The following FHOD3 variants were observed in gnomAD, a reference collection of about 807,000 sequenced individuals.
FHOD3 encodes the protein formin homology 2 domain containing 3, also known as FH1/FH2 domain-containing protein 3.
FHOD3 carries 90 observed loss-of-function variants against 173.0 expected under a neutral mutation model. That is an observed-to-expected ratio of 0.52 (90% CI 0.44 to 0.62). The LOEUF (loss-of-function observed/expected upper bound fraction) is 0.62, where lower values mean the gene tolerates loss of function less well. Ranked by LOEUF, FHOD3 falls within the 20% of genes least tolerant of loss-of-function variation. The probability of loss-of-function intolerance (pLI) is 0.00; values close to 1 mark genes in which losing one functional copy is unlikely to be tolerated. For synonymous variants in FHOD3, 828 were observed against 823.0 expected, an observed-to-expected ratio of 1.01 and a Z score of -0.10; for missense variants, 1,945 against 2,034.7, an observed-to-expected ratio of 0.96 and a Z score of 0.85.
At chr18:36,731,143 T>C (rs1397769581) in intron 20 of FHOD3, among the ~76,000 whole-genome samples, 3 of 152,218 alleles carry the variant, frequency 2.0e-5, no homozygotes, top group Non-Finnish European at 4.4e-5. Context: ...AAACCATACC[T>C]TTCAAAGGTA....
In FHOD3 at chr18:36,764,555, T is replaced by C. The variant is rs537673631; in HGVS notation, c.4624+3773T>C. ...CTTGGTGGATGCAGGAGGAGTGCAG[T>C]TGAAGCCTTCTTAGGGGGTGGATCT... On this transcript the variant is annotated intron_variant, in intron 27 of 28. Transcript: ENST00000590592. 3.3e-5 allele frequency among the ~76,000 whole-genome samples: 5 copies of C among 152,206 alleles called. No individual in the cohort carries two copies. The East Asian group carries it at 7.7e-4, about 24-fold the overall frequency.
chr18:36,650,032 G>A (rs1284810382), intron 11 of FHOD3, among the ~76,000 whole-genome samples: 2 of 152,142 alleles, frequency 1.3e-5, no homozygotes, highest in Admixed American at 1.3e-4. Flanking sequence ...AACGCTGACA[G>A]ACATGGGCAC....
At position 36,477,486 on chromosome 18, in the gene FHOD3, CCCAT is replaced by C. The variant is rs1197297465; in HGVS notation, c.338-24406_338-24403del. Among the ~76,000 whole-genome samples the C allele has an allele frequency of 9.7e-3, 1,212 of 125,536 alleles. 20 individuals carry two copies. The highest frequency in any genetic ancestry group is 0.021 in the African/African-American group (601 of 29,238). 82.4% of individuals were successfully genotyped at this position (125,536 alleles called of 152,430 possible). A position where few individuals can be genotyped will look rare whatever the true frequency, so the allele number is the denominator to read the frequency against. The stretch of plus-strand genomic sequence containing the variant: ...GTGTGTATATAAATCCACTCACCCA[CCCAT>C]CCATCCATCCATCCATCCATCCATC... On this transcript the variant is annotated intron_variant, in intron 3 of 28. Transcript: ENST00000590592.
chr18:36,678,605 T>A (rs1427546522), intron 14 of FHOD3, among the ~76,000 whole-genome samples: 1 of 150,496 alleles, frequency 6.6e-6, no homozygotes, highest in Non-Finnish European at 1.5e-5. Context: ...AAAATTTTCC[T>A]TGCCAAATAC....
intron 3 of FHOD3, among the ~76,000 whole-genome samples, chr18:36,491,720 A>G (rs571734423): frequency 1.3e-5 from 2 of 149,210 alleles, no homozygotes; most frequent in South Asian, 4.1e-4. Context: ...GAGGAACAGC[A>G]TCACGGTGCT....
At chr18:36,644,860 C>T (rs1236854039) in intron 10 of FHOD3, among the ~76,000 whole-genome samples, 3 of 152,180 alleles carry the variant, frequency 2.0e-5, no homozygotes, top group Admixed American at 6.5e-5. Context: ...AGTCTGGCTC[C>T]AGAACCTCTC....
intron 15 of FHOD3, among the ~76,000 whole-genome samples, chr18:36,681,975 G>A (rs1184265618): frequency 6.6e-6 from 1 of 152,144 alleles, no homozygotes; most frequent in Non-Finnish European, 1.5e-5. Flanking sequence ...TTTGCTTTTT[G>A]ATCCCTGTAA....
At chr18:36,322,738 C>A (rs2144993858) in intron 1 of FHOD3, among the ~76,000 whole-genome samples, 1 of 152,310 alleles carries the variant, frequency 6.6e-6, no homozygotes, top group Middle Eastern at 3.4e-3. Flanking sequence ...CTGCTGTCCA[C>A]CTTAGCTCCT....
At chr18:36,483,390 G>A (rs1487082122) in intron 3 of FHOD3, among the ~76,000 whole-genome samples, 1 of 152,084 alleles carries the variant, frequency 6.6e-6, no homozygotes, top group Non-Finnish European at 1.5e-5. Flanking sequence ...CCACTGTCCT[G>A]GAACCAAGGA....
At chr18:36,309,844 C>T (rs1482458351) in intron 1 of FHOD3, among the ~76,000 whole-genome samples, 1 of 152,230 alleles carries the variant, frequency 6.6e-6, no homozygotes, top group Non-Finnish European at 1.5e-5. Context: ...AGAACCACAG[C>T]ATGTCTGTGC....
intron 1 of FHOD3, among the ~76,000 whole-genome samples, chr18:36,315,533 G>A (rs978447699): frequency 3.9e-5 from 6 of 152,098 alleles, no homozygotes; most frequent in Admixed American, 1.3e-4. Context: ...CAGAGGGCAT[G>A]TGGGGGTTAA....
chr18:36,630,692 C>G (rs1599953946), intron 10 of FHOD3, among the ~76,000 whole-genome samples: 1 of 152,304 alleles, frequency 6.6e-6, no homozygotes, highest in Non-Finnish European at 1.5e-5. Context: ...CAGAAATGTT[C>G]AAGTGGAGCT....
chr18:36,514,857 AC>A (rs1207211748), intron 5 of FHOD3, among the ~76,000 whole-genome samples: 2 of 152,050 alleles, frequency 1.3e-5, no homozygotes, highest in Admixed American at 6.6e-5. Flanking sequence ...GGATTACATG[AC>A]CCCCTGTAGC....
Position 36,682,088 on chromosome 18 carries a change from G to A in FHOD3, c.1970+518G>A, listed in dbSNP as rs532024281. Among the ~76,000 whole-genome samples, 8 of 152,282 alleles carry A rather than the reference G, an allele frequency of 5.3e-5. No individual in the cohort carries two copies. The South Asian group carries it at 1.2e-3, about 24-fold the overall frequency. On this transcript the variant is annotated intron_variant, in intron 15 of 28. Transcript: ENST00000590592. Reference sequence around the variant, plus strand: ...CATTTCCCCCGATCTCCTGGTCTCTGTACAGCTTCAAGGATGTGTTCCTGG... The same window carrying A: ...CATTTCCCCCGATCTCCTGGTCTCTATACAGCTTCAAGGATGTGTTCCTGG...
intron 1 of FHOD3, among the ~76,000 whole-genome samples, chr18:36,305,451 T>C (rs2092066887): frequency 1.3e-5 from 2 of 152,234 alleles, no homozygotes; most frequent in South Asian, 4.1e-4. Context: ...TCTTTGAATA[T>C]CTTTAACGTT....
intron 20 of FHOD3, among the ~76,000 whole-genome samples, chr18:36,738,443 A>G (rs2041747438): frequency 6.6e-6 from 1 of 152,224 alleles, no homozygotes; most frequent in African/African-American, 2.4e-5. Flanking sequence ...ACAAAGCAAA[A>G]GTTTTTAACT....
chr18:36,700,098 G>A (rs912079042), intron 17 of FHOD3, among the ~76,000 whole-genome samples: 1 of 152,060 alleles, frequency 6.6e-6, no homozygotes, highest in Non-Finnish European at 1.5e-5. Context: ...TTTTCACTAC[G>A]TGGTGGGTTT....
chr18:36,753,601 A>T lies in FHOD3; in HGVS notation c.4233-1518A>T, dbSNP rs1600566713. ...GAGAAAAATTGCTAAGTCATGTAATAAACTCTGTTTATCTTTTTGAAGAAC... is the reference window on the plus strand; with the variant it reads ...GAGAAAAATTGCTAAGTCATGTAATTAACTCTGTTTATCTTTTTGAAGAAC... On this transcript the variant is annotated intron_variant, in intron 24 of 28. Coordinates refer to ENST00000590592, the MANE Select transcript of FHOD3 (RefSeq NM_001281740.3). 3.9e-5 allele frequency among the ~76,000 whole-genome samples: 6 copies of T among 152,338 alleles called. 1 individual carries two copies. Among genetic ancestry groups the T allele is most frequent in the Admixed American group, 3.9e-4 (6 of 15,306 alleles).
chr18:36,372,758 G>T lies in FHOD3; in HGVS notation c.337+14G>T. 6.2e-7 allele frequency: 1 copy of T among 1,611,436 alleles called. No homozygotes were observed. The highest frequency in any genetic ancestry group is 8.5e-7 in the Non-Finnish European group (1 of 1,177,854). On this transcript the variant is annotated intron_variant, in intron 3 of 28. Coordinates refer to ENST00000590592, the MANE Select transcript of FHOD3 (RefSeq NM_001281740.3). ...ATGCCTGCATCGGTGAGTGACACCTGCCCTCAGGAACTAAACATATGATGA... is the reference window on the plus strand; with the variant it reads ...ATGCCTGCATCGGTGAGTGACACCTTCCCTCAGGAACTAAACATATGATGA...
Sources: allele counts gnomAD v4.1 joint callset (sites outside exome capture counted in the v4.1 genomes callset), GRCh38; gene constraint gnomAD v4.1.1; transcripts MANE v1.5; gene names NCBI Gene and HGNC (gene_info 2026-07-23, HGNC 2026-07-21).